LRRTM4: variants seen among roughly 807,000 people sequenced by gnomAD.
LRRTM4 encodes the protein leucine-rich repeat transmembrane neuronal protein 4.
Under a neutral mutation model 47.6 loss-of-function variants are expected in LRRTM4, and 25 were observed. The ratio of observed to expected loss-of-function variants is 0.53; its 90% CI spans 0.38 to 0.73. The LOEUF is 0.73. Among genes scored for constraint, LRRTM4 ranks in the 30% least tolerant of loss-of-function variants. The pLI, the probability that LRRTM4 is intolerant of heterozygous loss-of-function variation, is 0.00. For missense variants in LRRTM4, 638 were observed against 713.4 expected (o/e 0.89, Z 1.20); for synonymous variants, 311 against 269.5 (o/e 1.15, Z -1.51).
chr2:77,215,161 C>A (rs778364721), intron 3 of LRRTM4, among the ~76,000 whole-genome samples: 3 of 151,906 alleles, frequency 2.0e-5, no homozygotes, highest in Middle Eastern at 3.2e-3. Flanking sequence ...AATATGAGAA[C>A]CTTTACATTT....
intron 3 of LRRTM4, among the ~76,000 whole-genome samples, chr2:77,508,855 C>T (rs191037306): frequency 6.6e-6 from 1 of 152,168 alleles, no homozygotes; most frequent in Admixed American, 6.6e-5. Flanking sequence ...CTAATAACTT[C>T]TGAATTCAAA....
At chr2:76,815,456 A>G (rs1670871804) in intron 3 of LRRTM4, among the ~76,000 whole-genome samples, 2 of 152,148 alleles carry the variant, frequency 1.3e-5, no homozygotes. Context: ...GGCTGATATC[A>G]GCTGAAAGAG....
At chr2:77,429,312 A>C (rs910260470) in intron 3 of LRRTM4, among the ~76,000 whole-genome samples, 1 of 152,300 alleles carries the variant, frequency 6.6e-6, no homozygotes, top group East Asian at 1.9e-4. Context: ...AAGAATTACA[A>C]TATGCACTTT....
rs141882306 is a variant in LRRTM4, at chr2:77,436,146, T to A, written c.1551+82172A>T. Among the ~76,000 whole-genome samples the A allele has an allele frequency of 4.6e-3, 699 of 152,250 alleles. 14 individuals are homozygous for A. Among genetic ancestry groups the A allele is most frequent in the African/African-American group, 0.015 (628 of 41,554 alleles). On this transcript the variant is annotated intron_variant, in intron 3 of 3. Transcript: ENST00000409884. ...AAGCGGTACCAAAATTACTGAATCA[T>A]CTATTGATAAAACATGCTGCATATT... is the stretch of plus-strand genomic sequence containing the variant.
At chr2:77,276,686 CATATATATATATATATATAT>C (rs3980215) in intron 3 of LRRTM4, among the ~76,000 whole-genome samples, 1,333 of 71,746 alleles carry the variant, frequency 0.019, 62 homozygotes, top group East Asian at 0.042. Context: ...TTTGTGTACG[CATATATATATATATATATAT>C]ATATATATAT....
chr2:77,295,099 T>C (rs1449128685), intron 3 of LRRTM4, among the ~76,000 whole-genome samples: 1 of 152,208 alleles, frequency 6.6e-6, no homozygotes, highest in Non-Finnish European at 1.5e-5. Context: ...TTTCTAGCCA[T>C]AGTGCTTATA....
intron 3 of LRRTM4, among the ~76,000 whole-genome samples, chr2:76,926,871 C>G (rs1674604697): frequency 1.3e-5 from 2 of 152,068 alleles, no homozygotes; most frequent in Non-Finnish European, 2.9e-5. Context: ...ACATACTATT[C>G]CTTACACTAA....
intron 3 of LRRTM4, among the ~76,000 whole-genome samples, chr2:77,022,954 C>T (rs1453787681): frequency 1.3e-5 from 2 of 152,232 alleles, no homozygotes; most frequent in African/African-American, 4.8e-5. Flanking sequence ...GCTCCAACCC[C>T]ACATTTCCCT....
chr2:77,433,052 T>A (rs1675448755), intron 3 of LRRTM4, among the ~76,000 whole-genome samples: 1 of 152,124 alleles, frequency 6.6e-6, no homozygotes. Flanking sequence ...GAAGGGCAAT[T>A]GTGAAAGACA....
rs76058558 is a variant in LRRTM4, at chr2:77,124,733, C to T, written c.1552-375817G>A. ...TTCCTCTAGCCATCAGCATGATGTGCGTCGCGTGTTTTCCAGACAATGGAG... is the reference window on the plus strand; with the variant it reads ...TTCCTCTAGCCATCAGCATGATGTGTGTCGCGTGTTTTCCAGACAATGGAG... On this transcript the variant is annotated intron_variant, in intron 3 of 3. Coordinates refer to ENST00000409884, the MANE Select transcript of LRRTM4 (RefSeq NM_001134745.3). Among the ~76,000 whole-genome samples, 503 of 152,216 alleles carry T rather than the reference C, an allele frequency of 3.3e-3. 2 individuals carry two copies. The highest frequency in any genetic ancestry group is 0.014 in the Middle Eastern group (4 of 294).
intron 3 of LRRTM4, among the ~76,000 whole-genome samples, chr2:76,765,041 C>T (rs949713522): frequency 2.6e-5 from 4 of 152,162 alleles, no homozygotes; most frequent in Non-Finnish European, 5.9e-5. Flanking sequence ...GACCACCACC[C>T]ATGTAGGACT....
At chr2:77,171,316 G>A (rs770641861) in intron 3 of LRRTM4, among the ~76,000 whole-genome samples, 4 of 151,906 alleles carry the variant, frequency 2.6e-5, no homozygotes, top group African/African-American at 4.8e-5. Context: ...TACCTCTGAC[G>A]CCCAGGCAGG....
intron 3 of LRRTM4, among the ~76,000 whole-genome samples, chr2:77,007,375 A>G (rs1677695518): frequency 6.6e-6 from 1 of 152,182 alleles, no homozygotes; most frequent in African/African-American, 2.4e-5. Context: ...AGCAATTTAA[A>G]AAGATCAATA....
intron 3 of LRRTM4, among the ~76,000 whole-genome samples, chr2:77,089,068 C>G (rs1680831851): frequency 6.6e-6 from 1 of 152,048 alleles, no homozygotes; most frequent in Non-Finnish European, 1.5e-5. Context: ...TGATTATACG[C>G]CCACGTTTCA....
At chr2:76,926,560 C>T (rs749507921) in intron 3 of LRRTM4, among the ~76,000 whole-genome samples, 4 of 152,080 alleles carry the variant, frequency 2.6e-5, no homozygotes, top group Admixed American at 6.6e-5. Context: ...GAGCTGGGGG[C>T]TTTATTAGTG....
intron 3 of LRRTM4, among the ~76,000 whole-genome samples, chr2:77,384,713 A>G (rs917980888): frequency 2.6e-5 from 4 of 152,106 alleles, no homozygotes; most frequent in African/African-American, 9.6e-5. Flanking sequence ...TGGCAAAAGG[A>G]AAAGGAATTG....
At chr2:77,233,266 T>C (rs1478103657) in intron 3 of LRRTM4, among the ~76,000 whole-genome samples, 1 of 152,224 alleles carries the variant, frequency 6.6e-6, no homozygotes, top group Non-Finnish European at 1.5e-5. Context: ...TTGCTCATTC[T>C]TTAATCCTCT....
At chr2:77,422,660 T>C (rs1219736464) in intron 3 of LRRTM4, among the ~76,000 whole-genome samples, 1 of 152,174 alleles carries the variant, frequency 6.6e-6, no homozygotes. Flanking sequence ...ATTTAGGATA[T>C]TCTAGGCCTG....
chr2:77,411,069 C>T (rs1210587541), intron 3 of LRRTM4, among the ~76,000 whole-genome samples: 1 of 152,118 alleles, frequency 6.6e-6, no homozygotes. Flanking sequence ...AATCTGTTAG[C>T]ATTATAAAAT....
Sources: gnomAD v4.1 joint callset for allele counts (sites outside exome capture counted in the v4.1 genomes callset) on GRCh38, gnomAD v4.1.1 for gene constraint, MANE v1.5 for transcripts, NCBI Gene and HGNC (gene_info 2026-07-23, HGNC 2026-07-21) for gene names.